Variants in FBXO43 observed in about 807,000 individuals in gnomAD.
FBXO43 encodes the protein F-box only protein 43.
Under a neutral mutation model 56.7 loss-of-function variants are expected in FBXO43, and 22 were observed. The ratio of observed to expected loss-of-function variants is 0.39; its 90% CI spans 0.28 to 0.55. The LOEUF (loss-of-function observed/expected upper bound fraction) is 0.55. FBXO43 is among the 20% of genes least tolerant of loss of function. The pLI is 0.66. For missense variants in FBXO43, 733 were observed against 814.9 expected (o/e 0.90, Z 1.22); for synonymous variants, 306 against 294.5 (o/e 1.04, Z -0.40).
chr8:100,148,999 A>G (rs376508548), upstream of FBXO43, among the ~76,000 whole-genome samples: 25 of 152,308 alleles, frequency 1.6e-4, 1 homozygote, highest in African/African-American at 6.0e-4. Flanking sequence ...CAAGACAACT[A>G]CCCCCATTAA....
chr8:100,143,891 C>T (rs571124108), intron 1 of FBXO43, among the ~76,000 whole-genome samples: 3 of 152,354 alleles, frequency 2.0e-5, no homozygotes, highest in South Asian at 4.1e-4. Context: ...CCTGTATCAG[C>T]TTCCCCACTG....
intron 2 of FBXO43, 116 bp downstream of exon 2, chr8:100,140,567 A>AT: frequency 1.3e-6 from 1 of 778,498 alleles, no homozygotes; most frequent in Non-Finnish European, 2.0e-6. Context: ...TCTTTGATAT[A>AT]AGACAACAAA....
intron 1 of FBXO43, 140 bp downstream of exon 1, chr8:100,144,911 G>A (rs1284779097): frequency 3.9e-6 from 4 of 1,036,570 alleles, no homozygotes; most frequent in African/African-American, 1.8e-5. Flanking sequence ...CAGCCTGGGC[G>A]ACAGAGCGAC....
chr8:100,134,098 G>C, intron 4 of FBXO43, 48 bp from the exon 5 acceptor site: 1 of 1,604,718 alleles, frequency 6.2e-7, no homozygotes, highest in Non-Finnish European at 8.5e-7. Context: ...ATATAGAGGA[G>C]CACTTTATTT....
rs1221874539 is a variant in FBXO43, at chr8:100,145,300, C to T, written c.-165G>A. The T allele has an allele frequency of 2.1e-6, 1 of 468,720 alleles. No homozygotes were observed. Among genetic ancestry groups the T allele is most frequent in the African/African-American group, 2.0e-5 (1 of 49,642 alleles). 29.0% of individuals were successfully genotyped at this position (468,720 alleles called of 1,614,324 possible). A position where few individuals can be genotyped will look rare whatever the true frequency, so the allele number is the denominator to read the frequency against. On this transcript the variant is annotated 5_prime_UTR_variant, in exon 1 of 5. Transcript: ENST00000428847. ...AAATCATTTTGAATTTCCTTCAGCC[C>T]TCCAGAAAATAGTTATCTTAATATC... is the stretch of plus-strand genomic sequence containing the variant.
chr8:100,145,295 C>G lies in FBXO43; in HGVS notation c.-160G>C. On this transcript the variant is annotated 5_prime_UTR_variant, in exon 1 of 5. Transcript: ENST00000428847. ...GGTCTAAATCATTTTGAATTTCCTT[C>G]AGCCCTCCAGAAAATAGTTATCTTA... The G allele has an allele frequency of 2.1e-6, 1 of 471,114 alleles. No individual in the cohort carries two copies. Among genetic ancestry groups the G allele is most frequent in the Non-Finnish European group, 3.7e-6 (1 of 270,834 alleles). The allele number at this position is 471,114 out of a possible 1,614,324, so 29.2% of individuals were successfully genotyped here. A position where few individuals can be genotyped will look rare whatever the true frequency, so the allele number is the denominator to read the frequency against.
rs768463614 is a variant in FBXO43, at chr8:100,142,063, A to C, written c.191T>G (p.Phe64Cys). Residue 64 changes from phenylalanine (F) to cysteine (C), a missense_variant, in exon 2 of 5, where the codon TTC (phenylalanine) becomes TGC (cysteine). Transcript: ENST00000428847. ...PPIVNSKYST[F>C]RDFCSTSSFQ... ...TGAAGATGTGGAACAAAAATCTCTG[A>C]AGGTGGAGTACTTGGAGTTGACAAT... is the stretch of plus-strand genomic sequence containing the variant. 7 of 1,613,974 alleles carry C rather than the reference A, an allele frequency of 4.3e-6. No individual in the cohort carries two copies. Among genetic ancestry groups the C allele is most frequent in the Non-Finnish European group, 5.9e-6 (7 of 1,179,950 alleles).
At chr8:100,143,354 GATAT>G (rs1437583511) in intron 1 of FBXO43, among the ~76,000 whole-genome samples, 1 of 152,148 alleles carries the variant, frequency 6.6e-6, no homozygotes, top group Non-Finnish European at 1.5e-5. Context: ...AACTTAATCA[GATAT>G]ATGAGTGAAT....
At chr8:100,144,968 A>G (rs183868367) in intron 1 of FBXO43, 83 bp downstream of exon 1, 176 of 1,418,312 alleles carry the variant, frequency 1.2e-4, no homozygotes, top group Middle Eastern at 2.3e-4. Context: ...AAGAAAAAAA[A>G]GAAAAAGCAC....
At position 100,142,061 on chromosome 8, in the gene FBXO43, T is replaced by C. The variant is rs746881445; in HGVS notation, c.193A>G (p.Arg65Gly). 2 of 1,613,888 alleles carry C rather than the reference T, an allele frequency of 1.2e-6. No individual in the cohort carries two copies. The highest frequency in any genetic ancestry group is 1.7e-5 in the Admixed American group (1 of 59,978). The stretch of plus-strand genomic sequence containing the variant: ...AATGAAGATGTGGAACAAAAATCTC[T>C]GAAGGTGGAGTACTTGGAGTTGACA... ...PIVNSKYSTFRDFCSTSSFQD... is the reference protein window; with the variant it reads ...PIVNSKYSTFGDFCSTSSFQD... Residue 65 changes from arginine (R) to glycine (G), a missense_variant, in exon 2 of 5, where the codon AGA (arginine) becomes GGA (glycine). By Grantham distance (125) the Arg-to-Gly change is moderately radical. Transcript: ENST00000428847.
chr8:100,141,876 CTTTTT>C lies in FBXO43; in HGVS notation c.373_377del (p.Lys125GlufsTer6). On this transcript the variant is annotated frameshift_variant, in exon 2 of 5. Transcript: ENST00000428847. LOFTEE classifies it high-confidence loss of function. ...TTTCCTTTCTAGGCAAGATACATTT[CTTTTT>C]TTGAGTGGGAGATTCTAAAGGATGT... is the stretch of plus-strand genomic sequence containing the variant. 1 of 1,589,198 alleles carries C rather than the reference CTTTTT, an allele frequency of 6.3e-7. No homozygotes were observed. Among genetic ancestry groups the C allele is most frequent in the Non-Finnish European group, 8.5e-7 (1 of 1,172,846 alleles).
At chr8:100,148,306 G>A (rs1356457353), upstream of FBXO43, among the ~76,000 whole-genome samples, 5 of 152,014 alleles carry the variant, frequency 3.3e-5, no homozygotes, top group Admixed American at 2.0e-4. Context: ...ACCTAAAAAC[G>A]GGCAAAAAGA....
chr8:100,140,852 C>T lies in FBXO43; in HGVS notation c.1402G>A (p.Glu468Lys), dbSNP rs1457993048. ...GCTATTTTCTCCCCATCCCCTTGCT[C>T]TAAGAATTCATGTCCACTATTTTCC... ...LQENSGHEFL[E>K]QGDGEKIAVL... Residue 468 changes from glutamate to lysine, a missense_variant, in exon 2 of 5, where the codon GAG becomes AAG. Transcript: ENST00000428847. 1 of 1,614,086 alleles carries T rather than the reference C, an allele frequency of 6.2e-7. No individual in the cohort carries two copies. Among genetic ancestry groups the T allele is most frequent in the East Asian group, 2.2e-5 (1 of 44,900 alleles).
At chr8:100,145,006 C>T (rs763028270) in intron 1 of FBXO43, 45 bp downstream of exon 1, 1 of 1,573,040 alleles carries the variant, frequency 6.4e-7, no homozygotes, top group Non-Finnish European at 8.6e-7. Context: ...GAAGTACTTA[C>T]ATTAAACCCA....
upstream of FBXO43, among the ~76,000 whole-genome samples, chr8:100,148,927 T>C (rs925932844): frequency 6.6e-6 from 1 of 152,126 alleles, no homozygotes; most frequent in Non-Finnish European, 1.5e-5. Flanking sequence ...AGGGAAAAAA[T>C]AGCAACTTGC....
intron 3 of FBXO43, among the ~76,000 whole-genome samples, chr8:100,135,265 T>G (rs190019659): frequency 3.4e-4 from 52 of 152,004 alleles, no homozygotes; most frequent in African/African-American, 1.2e-3. Flanking sequence ...AGAGAGGGGT[T>G]ATGTAGGTAG....
intron 1 of FBXO43, among the ~76,000 whole-genome samples, chr8:100,144,815 C>T (rs1563756171): frequency 2.0e-5 from 3 of 151,424 alleles, no homozygotes; most frequent in South Asian, 4.2e-4. Flanking sequence ...GCCTGTAGTC[C>T]CAGCTACTCG....
chr8:100,135,438 T>A (rs562316351), intron 3 of FBXO43, among the ~76,000 whole-genome samples: 23 of 152,142 alleles, frequency 1.5e-4, no homozygotes, highest in Admixed American at 1.5e-3. Flanking sequence ...GAAGGCATAA[T>A]GGTATATTTT....
At position 100,133,709 on chromosome 8, in the gene FBXO43, C is replaced by G; in HGVS notation, c.*93G>C. On this transcript the variant is annotated 3_prime_UTR_variant, in exon 5 of 5. Transcript: ENST00000428847. ...AAATAGGAAATTAATCATCACCTGTCATTAATGGGAAGATTTGCATGTATT... is the reference window on the plus strand; with the variant it reads ...AAATAGGAAATTAATCATCACCTGTGATTAATGGGAAGATTTGCATGTATT... 3.2e-6 allele frequency: 4 copies of G among 1,260,900 alleles called. No homozygotes were observed. The highest frequency in any genetic ancestry group is 4.4e-6 in the Non-Finnish European group (4 of 918,950). The allele number at this position is 1,260,900 out of a possible 1,614,324, so 78.1% of individuals were successfully genotyped here.
Sources: allele counts gnomAD v4.1 joint callset (sites outside exome capture counted in the v4.1 genomes callset), GRCh38; gene constraint gnomAD v4.1.1; transcripts MANE v1.5; gene names NCBI Gene and HGNC (gene_info 2026-07-23, HGNC 2026-07-21).